Variants in DDIAS observed in about 807,000 individuals in gnomAD.
DDIAS encodes the protein DNA damage-induced apoptosis suppressor protein.
DDIAS carries 14 observed loss-of-function variants against 15.7 expected under a neutral mutation model. That is an observed-to-expected ratio of 0.89 (90% CI 0.59 to 1.39). The LOEUF is 1.39. DDIAS is among the 40% of genes most tolerant of loss of function. The pLI is 0.00. For synonymous variants in DDIAS, 355 were observed against 395.9 expected, an observed-to-expected ratio of 0.90 and a Z score of 1.23; for missense variants, 1,035 against 1,130.9, an observed-to-expected ratio of 0.92 and a Z score of 1.22.
In DDIAS at chr11:82,930,206, A is replaced by G; in HGVS notation, c.325A>G (p.Thr109Ala). Residue 109 changes from threonine to alanine, a missense_variant, in exon 5 of 6, where the codon ACT (threonine) becomes GCT (alanine). Physicochemically the swap from Thr to Ala is moderately conservative, Grantham distance 58. Transcript: ENST00000533655. ...TCCAGAAACACTGGACAATGATACA[A>G]CTCAGAATCTATTAACTAAAGCAGT... Reference protein sequence around the residue: ...KIPETLDNDTTQNLLTKAVET... With the variant: ...KIPETLDNDTAQNLLTKAVET... The G allele has an allele frequency of 2.5e-6, 4 of 1,604,372 alleles. No individual in the cohort carries two copies. The highest frequency in any genetic ancestry group is 3.4e-6 in the Non-Finnish European group (4 of 1,174,400).
rs532529335 is a variant in DDIAS at position 82,901,820 on chromosome 11, C to T, written c.-119C>T. On this transcript the variant is annotated splice_region_variant and 5_prime_UTR_variant, in exon 1 of 6. Transcript: ENST00000533655. Reference sequence around the variant, plus strand: ...TGGGCCCGTTCCTGGTCTTCTCCCCCAGGTGAGCTGGGTAAAGGGGTTCTC... The same window carrying T: ...TGGGCCCGTTCCTGGTCTTCTCCCCTAGGTGAGCTGGGTAAAGGGGTTCTC... 9 of 152,228 alleles carry T rather than the reference C, an allele frequency of 5.9e-5. No homozygotes were observed. The South Asian group carries it at 1.3e-3, about 21-fold the overall frequency. 9.4% of individuals were successfully genotyped at this position (152,228 alleles called of 1,614,324 possible). A position where few individuals can be genotyped will look rare whatever the true frequency, so the allele number is the denominator to read the frequency against.
At chr11:82,913,726 T>A in intron 2 of DDIAS, 1 of 445,350 alleles carries the variant, frequency 2.2e-6, no homozygotes, top group Non-Finnish European at 4.5e-6. Context: ...TCCACCAATT[T>A]AGGTTCTTTA....
Position 82,914,621 on chromosome 11 carries a change from T to C in DDIAS, c.-16-102T>C, listed in dbSNP as rs189648849. 4.9e-5 allele frequency: 27 copies of C among 549,174 alleles called. No homozygotes were observed. In the East Asian group the frequency reaches 7.1e-4, roughly 15 times the overall value. The allele number at this position is 549,174 out of a possible 1,614,324, so 34.0% of individuals were successfully genotyped here. A position where few individuals can be genotyped will look rare whatever the true frequency, so the allele number is the denominator to read the frequency against. ...CACTTTGAAAGTGAAACAAATGACA[T>C]CTATTAGCTTTGCAGTAGAGGTTAA... On this transcript the variant is annotated intron_variant, in intron 2 of 5. Coordinates refer to ENST00000533655, the MANE Select transcript of DDIAS (RefSeq NM_145018.4).
rs377026057 is a variant in DDIAS at position 82,933,541 on chromosome 11, T to A, written c.2203T>A (p.Ser735Thr). 1.9e-6 allele frequency: 3 copies of A among 1,614,000 alleles called. No homozygotes were observed. Among genetic ancestry groups the A allele is most frequent in the Non-Finnish European group, 2.5e-6 (3 of 1,180,014 alleles). ...EDFIQPSQKL[S>T]LQSLSDSRHS... ...CTTCATCCAGCCTTCACAAAAATTATCCTTGCAAAGCCTATCTGACTCTAG... is the reference window on the plus strand; with the variant it reads ...CTTCATCCAGCCTTCACAAAAATTAACCTTGCAAAGCCTATCTGACTCTAG... The change falls in exon 6 of 6, where the codon TCC becomes ACC. Residue 735 changes from serine (S) to threonine (T), a missense_variant. Transcript: ENST00000533655.
chr11:82,904,347 A>G (rs966249774), intron 1 of DDIAS, among the ~76,000 whole-genome samples: 4 of 152,182 alleles, frequency 2.6e-5, no homozygotes, highest in Non-Finnish European at 5.9e-5. Context: ...AGAAAAAAAG[A>G]TGTGTTGGTA....
Position 82,932,123 on chromosome 11 carries a change from A to G in DDIAS, c.785A>G (p.Glu262Gly). 6.2e-7 allele frequency: 1 copy of G among 1,614,210 alleles called. No homozygotes were observed. The highest frequency in any genetic ancestry group is 8.5e-7 in the Non-Finnish European group (1 of 1,180,036). The change falls in exon 6 of 6, where the codon GAA (glutamate) becomes GGA (glycine). Residue 262 changes from glutamate to glycine, a missense_variant. By Grantham distance (98) the Glu-to-Gly change is moderately conservative (BLOSUM62 -2). Coordinates refer to ENST00000533655, the MANE Select transcript of DDIAS (RefSeq NM_145018.4). ...GATAATGATGATTTTTCAGCTTCAG[A>G]ACAAAGTAAGGCCTTTGGTACTCTT... ...LTDNDDFSAS[E>G]QSKAFGTLQQ...
chr11:82,905,290 A>T (rs114245591), intron 1 of DDIAS, among the ~76,000 whole-genome samples: 2,102 of 152,166 alleles, frequency 0.014, 36 homozygotes, highest in African/African-American at 0.047. Flanking sequence ...TTCTACTTTT[A>T]TGTGTGAGAG....
intron 1 of DDIAS, among the ~76,000 whole-genome samples, chr11:82,903,796 G>A (rs1023082408): frequency 7.2e-5 from 11 of 152,300 alleles, no homozygotes; most frequent in Admixed American, 6.5e-4. Flanking sequence ...TGTAAAATAT[G>A]AAACAGAAAA....
At chr11:82,927,931 T>A (rs1207981886) in intron 3 of DDIAS, among the ~76,000 whole-genome samples, 5 of 152,184 alleles carry the variant, frequency 3.3e-5, no homozygotes, top group African/African-American at 1.2e-4. Flanking sequence ...AATGAGTACA[T>A]GGCAATAGAG....
Position 82,932,561 on chromosome 11 carries a change from G to C in DDIAS, c.1223G>C (p.Gly408Ala), listed in dbSNP as rs1181314553. 2 of 1,614,148 alleles carry C rather than the reference G, an allele frequency of 1.2e-6. No homozygotes were observed. Among genetic ancestry groups the C allele is most frequent in the Admixed American group, 3.3e-5 (2 of 60,024 alleles). ...GAGACAGCCAGCAGTTCCCAGGATG[G>C]TGACCCTCAAATTTGGGATGATCTG... ...LEETASSSQD[G>A]DPQIWDDLPF... Residue 408 changes from glycine (G) to alanine (A), a missense_variant, in exon 6 of 6, where the codon GGT becomes GCT. Gly to Ala is a moderately conservative substitution (Grantham distance 60). Coordinates refer to ENST00000533655, the MANE Select transcript of DDIAS (RefSeq NM_145018.4).
chr11:82,913,788 T>C (rs1015293247), intron 2 of DDIAS: 8 of 402,772 alleles, frequency 2.0e-5, no homozygotes, highest in South Asian at 1.1e-4. Flanking sequence ...TCTGAAATGT[T>C]TGGGTCCAGA....
chr11:82,933,497 T>G lies in DDIAS; in HGVS notation c.2159T>G (p.Leu720Arg). 1 of 1,614,002 alleles carries G rather than the reference T, an allele frequency of 6.2e-7. No individual in the cohort carries two copies. The highest frequency in any genetic ancestry group is 8.5e-7 in the Non-Finnish European group (1 of 1,179,974). Residue 720 changes from leucine (L) to arginine (R), a missense_variant, in exon 6 of 6, where the codon CTG becomes CGG. Leu to Arg is a moderately radical substitution (Grantham distance 102). Coordinates refer to ENST00000533655, the MANE Select transcript of DDIAS (RefSeq NM_145018.4). ...CACCCTTCAGAGTCTGATTTTTCAC[T>G]GAGATCACTTTCTGAAGACTTCATC... is the stretch of plus-strand genomic sequence containing the variant. Reference protein sequence around the residue: ...ESHPSESDFSLRSLSEDFIQP... With the variant: ...ESHPSESDFSRRSLSEDFIQP...
chr11:82,914,721 A>T lies in DDIAS; in HGVS notation c.-16-2A>T. 1 of 1,480,524 alleles carries T rather than the reference A, an allele frequency of 6.8e-7. No individual in the cohort carries two copies. Among genetic ancestry groups the T allele is most frequent in the South Asian group, 1.2e-5 (1 of 86,610 alleles). 91.7% of individuals were successfully genotyped at this position (1,480,524 alleles called of 1,614,324 possible). ...CATCCCAATGGCTATTTTGTTTTGCAGACCACGGTGTGAACACATGAACAG... is the reference window on the plus strand; with the variant it reads ...CATCCCAATGGCTATTTTGTTTTGCTGACCACGGTGTGAACACATGAACAG... On this transcript the variant is annotated splice_acceptor_variant, in intron 2 of 5. Coordinates refer to ENST00000533655, the MANE Select transcript of DDIAS (RefSeq NM_145018.4). LOFTEE classifies it low-confidence loss of function (5UTR_SPLICE).
intron 3 of DDIAS, among the ~76,000 whole-genome samples, chr11:82,922,321 T>G (rs983770593): frequency 1.3e-5 from 2 of 152,244 alleles, no homozygotes; most frequent in African/African-American, 4.8e-5. Flanking sequence ...ACTTTTAGAT[T>G]TCTCTTATTC....
chr11:82,920,284 T>C (rs1860717345), intron 3 of DDIAS, among the ~76,000 whole-genome samples: 2 of 152,220 alleles, frequency 1.3e-5, no homozygotes. Flanking sequence ...TGGTTAATCT[T>C]GCTAACGGTC....
intron 3 of DDIAS, among the ~76,000 whole-genome samples, chr11:82,921,156 CTT>C (rs1348005650): frequency 6.6e-6 from 1 of 152,110 alleles, no homozygotes; most frequent in Non-Finnish European, 1.5e-5. Context: ...ACTGCTTTTG[CTT>C]TAAAGTTTGT....
At chr11:82,916,799 A>C (rs1227103476) in intron 3 of DDIAS, among the ~76,000 whole-genome samples, 2 of 152,196 alleles carry the variant, frequency 1.3e-5, no homozygotes, top group Non-Finnish European at 2.9e-5. Context: ...TAAAGGAGAC[A>C]ACTGAAGCTT....
intron 2 of DDIAS, chr11:82,913,833 C>T: frequency 2.6e-6 from 1 of 385,640 alleles, no homozygotes; most frequent in Non-Finnish European, 5.0e-6. Flanking sequence ...AATATTTGCA[C>T]ATAATTAATG....
At position 82,931,916 on chromosome 11, in the gene DDIAS, T is replaced by G. The variant is rs746131429; in HGVS notation, c.578T>G (p.Leu193Arg). 3.1e-6 allele frequency: 5 copies of G among 1,614,202 alleles called. No homozygotes were observed. In the Admixed American group the frequency reaches 8.3e-5, roughly 27 times the overall value. ...TTGCAGACTTTTAATTTCAGGAAAC[T>G]TCAGTGTGACTCTCAGGCACCTAAC... ...QLLQTFNFRK[L>R]QCDSQAPNNH... Residue 193 changes from leucine to arginine, a missense_variant, in exon 6 of 6, where the codon CTT (leucine) becomes CGT (arginine). Transcript: ENST00000533655.
Sources: allele counts gnomAD v4.1 joint callset (sites outside exome capture counted in the v4.1 genomes callset), GRCh38; gene constraint gnomAD v4.1.1; transcripts MANE v1.5; gene names NCBI Gene and HGNC (gene_info 2026-07-23, HGNC 2026-07-21).